CASP9: variants seen among roughly 807,000 people sequenced by gnomAD.
CASP9 encodes caspase 9.
Under a neutral mutation model 43.5 loss-of-function variants are expected in CASP9, and 29 were observed. That is an observed-to-expected ratio of 0.67 (90% CI 0.50 to 0.91). The LOEUF is 0.91. Among genes scored for constraint, CASP9 ranks in the 40% least tolerant of loss-of-function variants. The pLI is 0.00. For synonymous variants in CASP9, 206 were observed against 211.9 expected, an observed-to-expected ratio of 0.97 and a Z score of 0.24; for missense variants, 575 against 537.4, an observed-to-expected ratio of 1.07 and a Z score of -0.69.
At chr1:15,505,546 G>T (rs1709484808) in intron 5 of CASP9, among the ~76,000 whole-genome samples, 1 of 152,228 alleles carries the variant, frequency 6.6e-6, no homozygotes, top group Non-Finnish European at 1.5e-5. Context: ...GGAAACTGAG[G>T]CCCAGTAAGG....
intron 1 of CASP9, among the ~76,000 whole-genome samples, chr1:15,521,867 C>A (rs999148420): frequency 6.6e-6 from 1 of 152,142 alleles, no homozygotes; most frequent in South Asian, 2.1e-4. Context: ...TAAGGCTTGA[C>A]CCTACCAATT....
chr1:15,524,851 C>G, upstream of CASP9: 1 of 892,508 alleles, frequency 1.1e-6, no homozygotes. Context: ...TCAGGACGCA[C>G]CTCAGCGCCT....
At chr1:15,511,387 G>A (rs1709745847) in intron 2 of CASP9, among the ~76,000 whole-genome samples, 1 of 150,444 alleles carries the variant, frequency 6.6e-6, no homozygotes. Context: ...AAGTAGCTAG[G>A]ACTACACCAC....
Position 15,491,416 on chromosome 1 carries a change from T to C in CASP9, c.*1527A>G. The C allele has an allele frequency of 7.2e-7, 1 of 1,397,018 alleles. No homozygotes were observed. Among genetic ancestry groups the C allele is most frequent in the Middle Eastern group, 1.8e-4 (1 of 5,560 alleles). The allele number at this position is 1,397,018 out of a possible 1,614,324, so 86.5% of individuals were successfully genotyped here. A position where few individuals can be genotyped will look rare whatever the true frequency, so the allele number is the denominator to read the frequency against. ...GCAAATCACATCTTGATGAGGGTTT[T>C]ATTATTATTATTAATTCAGAAATCC... On this transcript the variant is annotated 3_prime_UTR_variant, in exon 9 of 9. Transcript: ENST00000333868.
chr1:15,511,958 C>T (rs915522073), intron 2 of CASP9, among the ~76,000 whole-genome samples: 1 of 152,116 alleles, frequency 6.6e-6, no homozygotes, highest in Non-Finnish European at 1.5e-5. Flanking sequence ...ACCCAAGGCT[C>T]ACTCAATAGG....
In CASP9 at chr1:15,504,630, GA is replaced by G. The variant is rs1709448590; in HGVS notation, c.848del (p.Phe283SerfsTer41). Reference sequence around the variant, plus strand: ...GCTTACCCCCACCACAGGCCTGGATGAAAAAGAGCTTGGGCTTCCCTCCCAG... The same window carrying G: ...GCTTACCCCCACCACAGGCCTGGATGAAAAGAGCTTGGGCTTCCCTCCCAG... ...PSLGGKPKLF[F>X]IQACGGEQKD... On this transcript the variant is annotated frameshift_variant, in exon 6 of 9. Transcript: ENST00000333868. LOFTEE classifies it high-confidence loss of function. 1 of 1,613,638 alleles carries G rather than the reference GA, an allele frequency of 6.2e-7. No individual in the cohort carries two copies. The highest frequency in any genetic ancestry group is 1.3e-5 in the African/African-American group (1 of 74,914).
chr1:15,495,470 A>C lies in CASP9; in HGVS notation c.869-18T>G. 1.3e-6 allele frequency: 2 copies of C among 1,557,648 alleles called. No homozygotes were observed. The highest frequency in any genetic ancestry group is 2.1e-5 in the Admixed American group (1 of 47,662). ...TTTCTGCTCTGCAGGAAGCAGAAAC[A>C]AACACCTCTTGTCATTGAAATACAC... On this transcript the variant is annotated intron_variant, in intron 6 of 8. Transcript: ENST00000333868.
At chr1:15,522,067 T>G (rs1422443768) in intron 1 of CASP9, among the ~76,000 whole-genome samples, 1 of 152,126 alleles carries the variant, frequency 6.6e-6, no homozygotes, top group African/African-American at 2.4e-5. Context: ...CTCCAGGAGG[T>G]CAACACTGTG....
intron 6 of CASP9, among the ~76,000 whole-genome samples, chr1:15,499,797 G>A (rs951225): frequency 0.28 from 42,169 of 152,128 alleles, 6,714 homozygotes; most frequent in African/African-American, 0.43. Context: ...TGTGCTCATG[G>A]GCTGGAATCC....
chr1:15,499,860 T>C (rs1709253623), intron 6 of CASP9, among the ~76,000 whole-genome samples: 1 of 152,214 alleles, frequency 6.6e-6, no homozygotes, highest in Non-Finnish European at 1.5e-5. Context: ...CATTCTGAAT[T>C]ATTTTCTTTT....
chr1:15,514,279 G>C (rs1413220656), intron 2 of CASP9, among the ~76,000 whole-genome samples: 1 of 152,174 alleles, frequency 6.6e-6, no homozygotes, highest in Admixed American at 6.5e-5. Context: ...ATCGTCCCCA[G>C]TGTGAAACAC....
Position 15,507,610 on chromosome 1 carries a change from G to A in CASP9, c.453+263C>T, listed in dbSNP as rs4646035. 9.0e-4 allele frequency among the ~76,000 whole-genome samples: 137 copies of A among 152,338 alleles called. 4 individuals carry two copies. In the East Asian group the frequency reaches 0.023, roughly 26 times the overall value. On this transcript the variant is annotated intron_variant, in intron 3 of 8. Coordinates refer to ENST00000333868, the MANE Select transcript of CASP9 (RefSeq NM_001229.5). The stretch of plus-strand genomic sequence containing the variant: ...AAATACTTGTGAATGAGAGAGTGGC[G>A]ACTTGGTCTGGATCCCGATGACTGC...
chr1:15,519,473 T>C (rs540839343), intron 1 of CASP9, among the ~76,000 whole-genome samples: 9 of 152,286 alleles, frequency 5.9e-5, no homozygotes, highest in African/African-American at 2.2e-4. Context: ...TGAGCTACCA[T>C]GCCCGGCCAC....
Position 15,499,004 on chromosome 1 carries a change from T to G in CASP9, c.869-3552A>C, listed in dbSNP as rs60018729. Reference sequence around the variant, plus strand: ...TGCCCGCCTCAGCCTCCCAAAGTGCTGGGATGACAGGCGTGAGCCACCGCC... The same window carrying G: ...TGCCCGCCTCAGCCTCCCAAAGTGCGGGGATGACAGGCGTGAGCCACCGCC... On this transcript the variant is annotated intron_variant, in intron 6 of 8. Coordinates refer to ENST00000333868, the MANE Select transcript of CASP9 (RefSeq NM_001229.5). 2.7e-3 allele frequency among the ~76,000 whole-genome samples: 418 copies of G among 152,294 alleles called. 3 individuals are homozygous for G. The highest frequency in any genetic ancestry group is 9.3e-3 in the African/African-American group (386 of 41,570).
chr1:15,522,889 C>A (rs548947725), intron 1 of CASP9, among the ~76,000 whole-genome samples: 1 of 152,356 alleles, frequency 6.6e-6, no homozygotes, highest in South Asian at 2.1e-4. Context: ...GGCCTCAAAC[C>A]ATTACTGTTC....
intron 6 of CASP9, 81 bp from the exon 7 acceptor site, chr1:15,495,533 A>G: frequency 8.3e-7 from 1 of 1,209,540 alleles, no homozygotes. Context: ...TCGGTGCAAT[A>G]TACTACATTA....
chr1:15,514,292 A>C (rs1429024107), intron 2 of CASP9, among the ~76,000 whole-genome samples: 2 of 152,182 alleles, frequency 1.3e-5, no homozygotes, highest in African/African-American at 4.8e-5. Context: ...TGAAACACTG[A>C]CCTACAGCAT....
At chr1:15,519,220 C>T (rs1186676632) in intron 1 of CASP9, among the ~76,000 whole-genome samples, 1 of 152,030 alleles carries the variant, frequency 6.6e-6, no homozygotes, top group Non-Finnish European at 1.5e-5. Flanking sequence ...TGCTCTGTCA[C>T]CCAGGCTGGA....
At position 15,518,289 on chromosome 1, in the gene CASP9, G is replaced by C; in HGVS notation, c.239C>G (p.Thr80Arg). ...AAACGAAGCCAGCATGTCCTGGCCTGTGTCCTCTAAGCAGGAGATGAACAA... is the reference window on the plus strand; with the variant it reads ...AAACGAAGCCAGCATGTCCTGGCCTCTGTCCTCTAAGCAGGAGATGAACAA... Reference protein sequence around the residue: ...LPLFISCLEDTGQDMLASFLR... With the variant: ...LPLFISCLEDRGQDMLASFLR... Residue 80 changes from threonine (T) to arginine (R), a missense_variant, in exon 2 of 9, where the codon ACA becomes AGA. Physicochemically the swap from Thr to Arg is moderately conservative, Grantham distance 71. Transcript: ENST00000333868. 1.2e-6 allele frequency: 2 copies of C among 1,614,218 alleles called. No individual in the cohort carries two copies. Among genetic ancestry groups the C allele is most frequent in the Non-Finnish European group, 1.7e-6 (2 of 1,180,042 alleles).
Sources: allele counts gnomAD v4.1 joint callset (sites outside exome capture counted in the v4.1 genomes callset), GRCh38; gene constraint gnomAD v4.1.1; transcripts MANE v1.5; gene names NCBI Gene and HGNC (gene_info 2026-07-23, HGNC 2026-07-21).